SLC16A9: variants seen among roughly 807,000 people sequenced by gnomAD.
SLC16A9 encodes solute carrier family 16 member 9, also known as monocarboxylate transporter 9.
In SLC16A9, 26 loss-of-function variants were observed where a neutral mutation model predicts 44.3. The observed-to-expected ratio is 0.59, with a 90% CI of 0.43 to 0.81. The LOEUF (loss-of-function observed/expected upper bound fraction) is 0.81, where lower values mean the gene tolerates loss of function less well. SLC16A9 is among the 40% of genes least tolerant of loss of function. The pLI is 0.00. For missense variants in SLC16A9, 559 were observed against 595.8 expected (o/e 0.94, Z 0.64); for synonymous variants, 230 against 225.1 (o/e 1.02, Z -0.19).
At chr10:59,662,761 T>G (rs139074643) in intron 4 of SLC16A9, among the ~76,000 whole-genome samples, 1,832 of 151,402 alleles carry the variant, frequency 0.012, 37 homozygotes, top group African/African-American at 0.042. Context: ...AGATACAATC[T>G]CATGCCAGTT....
rs1839210050 is a variant in SLC16A9, at chr10:59,651,925, T to C, written c.*847A>G. 6.6e-6 allele frequency: 1 copy of C among 152,342 alleles called. No homozygotes were observed. The highest frequency in any genetic ancestry group is 2.1e-4 in the South Asian group (1 of 4,832). The allele number at this position is 152,342 out of a possible 1,614,324, so 9.4% of individuals were successfully genotyped here. On this transcript the variant is annotated 3_prime_UTR_variant, in exon 6 of 6. Transcript: ENST00000395348. ...CCCAAAGCAAATGGATGTTTCCCAT[T>C]TGCCAGAACGGAATGATTGAGAAAT...
chr10:59,663,400 C>G (rs566519257), intron 4 of SLC16A9, among the ~76,000 whole-genome samples: 1 of 151,888 alleles, frequency 6.6e-6, no homozygotes, highest in African/African-American at 2.4e-5. Flanking sequence ...AAATGTGGCA[C>G]GTACACTCCA....
intron 3 of SLC16A9, among the ~76,000 whole-genome samples, chr10:59,668,145 C>T (rs1839664798): frequency 6.6e-6 from 1 of 152,026 alleles, no homozygotes; most frequent in Non-Finnish European, 1.5e-5. Flanking sequence ...ACCAATCTGT[C>T]TTCTAAACTG....
intron 1 of SLC16A9, among the ~76,000 whole-genome samples, chr10:59,706,440 ACAGTGGTTCCT>A: frequency 6.6e-6 from 1 of 152,348 alleles, no homozygotes; most frequent in East Asian, 1.9e-4. Flanking sequence ...GGAAAACAAT[ACAGTGGTTCCT>A]CAGAAAAATT....
intron 1 of SLC16A9, among the ~76,000 whole-genome samples, chr10:59,689,280 C>A (rs1840202755): frequency 6.6e-6 from 1 of 152,168 alleles, no homozygotes; most frequent in African/African-American, 2.4e-5. Flanking sequence ...CTCTCACCAG[C>A]TGTTTTTCTG....
Position 59,661,796 on chromosome 10 carries a change from A to C in SLC16A9, c.436+2431T>G, listed in dbSNP as rs552862321. Among the ~76,000 whole-genome samples the C allele has an allele frequency of 7.1e-4, 106 of 149,076 alleles. 1 individual carries two copies. Among genetic ancestry groups the C allele is most frequent in the Admixed American group, 6.5e-3 (98 of 14,962 alleles). ...TGGTACCAAAACAGAGATATAGACC[A>C]ATAGAACAGAACAGAGGCCTCAGAA... is the stretch of plus-strand genomic sequence containing the variant. On this transcript the variant is annotated intron_variant, in intron 4 of 5. Transcript: ENST00000395348.
intron 1 of SLC16A9, among the ~76,000 whole-genome samples, chr10:59,696,946 C>T (rs1840399750): frequency 1.4e-5 from 2 of 145,410 alleles, no homozygotes; most frequent in African/African-American, 2.6e-5. Context: ...GGGTCAGCCC[C>T]CCGCCCGGCC....
chr10:59,672,194 T>A (rs1309983587), intron 3 of SLC16A9, among the ~76,000 whole-genome samples: 1 of 152,186 alleles, frequency 6.6e-6, no homozygotes, highest in African/African-American at 2.4e-5. Flanking sequence ...TCTAAGGCCC[T>A]GCGCCTCCTA....
chr10:59,678,540 C>CTTTTTTTTTTTTTTTTTTTTTTTTTTTT (rs1426559419), intron 2 of SLC16A9, among the ~76,000 whole-genome samples: 1 of 22,338 alleles, frequency 4.5e-5, no homozygotes, highest in African/African-American at 9.7e-5. Context: ...TTTTCTTTTT[C>CTTTTTTTTTTTTTTTTTTTTTTTTTTTT]TTTTTCTTTT....
chr10:59,654,690 A>G (rs1160944525), intron 4 of SLC16A9, 101 bp from the exon 5 acceptor site: 3 of 864,570 alleles, frequency 3.5e-6, no homozygotes, highest in African/African-American at 3.4e-5. Context: ...TGGCATTTAT[A>G]TGTAACTTCA....
At chr10:59,671,397 A>G (rs1225756445) in intron 3 of SLC16A9, among the ~76,000 whole-genome samples, 1 of 152,188 alleles carries the variant, frequency 6.6e-6, no homozygotes, top group Non-Finnish European at 1.5e-5. Context: ...TATTTAAGTA[A>G]CTGTACACTG....
chr10:59,689,455 C>T (rs540686316), intron 1 of SLC16A9, among the ~76,000 whole-genome samples: 4 of 152,318 alleles, frequency 2.6e-5, no homozygotes, highest in African/African-American at 9.6e-5. Context: ...TAAAGGGCAT[C>T]TAACCCAAGA....
At position 59,664,328 on chromosome 10, in the gene SLC16A9, C is replaced by T. The variant is rs1270472742; in HGVS notation, c.341-6G>A. 10 of 1,584,380 alleles carry T rather than the reference C, an allele frequency of 6.3e-6. No individual in the cohort carries two copies. The African/African-American group carries it at 9.5e-5, about 15-fold the overall frequency. ...TAATAAACCACATCCAAGACCTAAG[C>T]ATGAGAAGACATTGCATAAATTAAG... On this transcript the variant is annotated splice_region_variant and splice_polypyrimidine_tract_variant and intron_variant, in intron 3 of 5. Coordinates refer to ENST00000395348, the MANE Select transcript of SLC16A9 (RefSeq NM_194298.3).
At chr10:59,664,178 G>A in intron 4 of SLC16A9, 49 bp downstream of exon 4, 1 of 1,361,492 alleles carries the variant, frequency 7.3e-7, no homozygotes, top group Non-Finnish European at 1.0e-6. Flanking sequence ...TTTTTACTTT[G>A]TTTAGAAGAC....
chr10:59,666,289 ACT>A (rs1839614833), intron 3 of SLC16A9, among the ~76,000 whole-genome samples: 1 of 144,114 alleles, frequency 6.9e-6, no homozygotes, highest in East Asian at 2.0e-4. Flanking sequence ...ACAGAGCGAG[ACT>A]CTGTCTCAAA....
rs1276647281 is a variant in SLC16A9, at chr10:59,684,174, A to T, written c.118T>A (p.Trp40Arg). ...PLAVGVLYIE[W>R]LDAFGEGKGK... The stretch of plus-strand genomic sequence containing the variant: ...TTTCCTTCACCAAAGGCATCCAGCC[A>T]TTCTATGTACAGGACTCCAACAGCT... The change falls in exon 2 of 6, where the codon TGG (tryptophan) becomes AGG (arginine). Residue 40 changes from tryptophan to arginine, a missense_variant. Trp to Arg is a moderately radical substitution (Grantham distance 101). Transcript: ENST00000395348. The T allele has an allele frequency of 1.2e-6, 2 of 1,614,112 alleles. No homozygotes were observed. Among genetic ancestry groups the T allele is most frequent in the African/African-American group, 1.3e-5 (1 of 75,048 alleles).
intron 4 of SLC16A9, among the ~76,000 whole-genome samples, chr10:59,662,633 C>CAAAAAAAA (rs71006278): frequency 3.7e-3 from 159 of 43,436 alleles, no homozygotes; most frequent in Non-Finnish European, 4.0e-3. Flanking sequence ...AACTCCATCT[C>CAAAAAAAA]AAAAAAAAAA....
chr10:59,660,136 G>A (rs1267980034), intron 4 of SLC16A9, among the ~76,000 whole-genome samples: 2 of 152,038 alleles, frequency 1.3e-5, no homozygotes, highest in African/African-American at 2.4e-5. Context: ...CATGAGACAA[G>A]AAATAACTAA....
intron 2 of SLC16A9, among the ~76,000 whole-genome samples, chr10:59,674,830 A>G (rs966050110): frequency 1.3e-5 from 2 of 152,214 alleles, no homozygotes; most frequent in Non-Finnish European, 2.9e-5. Flanking sequence ...TGCTAATTCC[A>G]TGAGGAAGCC....
Sources: allele counts gnomAD v4.1 joint callset (sites outside exome capture counted in the v4.1 genomes callset), GRCh38; gene constraint gnomAD v4.1.1; transcripts MANE v1.5; gene names NCBI Gene and HGNC (gene_info 2026-07-23, HGNC 2026-07-21).